The following HECTD4 variants were observed in gnomAD, a reference collection of about 807,000 sequenced individuals.
HECTD4 encodes the protein HECT domain E3 ubiquitin protein ligase 4, also known as probable E3 ubiquitin-protein ligase HECTD4.
A neutral mutation model predicts 471.5 loss-of-function variants in HECTD4; 114 were observed. That is an observed-to-expected ratio of 0.24 (90% CI 0.21 to 0.28). HECTD4 has a LOEUF of 0.28. Ranked by LOEUF, HECTD4 falls within the 10% of genes least tolerant of loss-of-function variation. HECTD4 has a pLI of 1.00. For synonymous variants in HECTD4, 2,012 were observed against 2,256.0 expected (o/e 0.89, Z 3.07); for missense variants, 3,866 against 5,651.5 (o/e 0.68, Z 10.13).
At chr12:112,215,279 G>C (rs1047498879) in intron 48 of HECTD4, among the ~76,000 whole-genome samples, 8 of 152,276 alleles carry the variant, frequency 5.3e-5, no homozygotes, top group Non-Finnish European at 7.4e-5. Context: ...AGCTACAAGA[G>C]GCTACCTATT....
Position 112,184,153 on chromosome 12 carries a change from G to C in HECTD4, c.10779+34C>G. 1.3e-6 allele frequency: 2 copies of C among 1,537,718 alleles called. No homozygotes were observed. Among genetic ancestry groups the C allele is most frequent in the South Asian group, 2.4e-5 (2 of 84,504 alleles). On this transcript the variant is annotated intron_variant, in intron 61 of 75. Transcript: ENST00000682272. This position sits in a 1 kb window ranked among gnomAD's most constrained non-coding sequence, Gnocchi z 9.1. ...GGCTTGGGGGATTGAAATGGGTCAT[G>C]ATTTAGTGGTTGCAGAGGCTTGAAA...
At chr12:112,195,793 C>G (rs746915314) in intron 55 of HECTD4, among the ~76,000 whole-genome samples, 5 of 152,160 alleles carry the variant, frequency 3.3e-5, no homozygotes, top group African/African-American at 1.2e-4. Flanking sequence ...AAAATACCAT[C>G]GTGGGCATTT....
At chr12:112,230,945 T>C in intron 39 of HECTD4, 123 bp from the exon 40 acceptor site, 1 of 860,938 alleles carries the variant, frequency 1.2e-6, no homozygotes, top group Non-Finnish European at 1.7e-6. Flanking sequence ...GTGGATTCCA[T>C]TGACCGAGAA....
chr12:112,235,349 G>A lies in HECTD4; in HGVS notation c.5726-83C>T. On this transcript the variant is annotated intron_variant, in intron 36 of 75. Coordinates refer to ENST00000682272, the MANE Select transcript of HECTD4 (RefSeq NM_001388303.1). This position sits in a 1 kb window ranked among gnomAD's most constrained non-coding sequence, Gnocchi z 5.0. Reference sequence around the variant, plus strand: ...GCTAAAATGAAAAATAATGGTTTGGGATTTGGAATCTTTCTTCCCCCTTCT... The same window carrying A: ...GCTAAAATGAAAAATAATGGTTTGGAATTTGGAATCTTTCTTCCCCCTTCT... 6.6e-7 allele frequency: 1 copy of A among 1,509,010 alleles called. No individual in the cohort carries two copies. The highest frequency in any genetic ancestry group is 9.0e-7 in the Non-Finnish European group (1 of 1,117,168). The allele number at this position is 1,509,010 out of a possible 1,614,324, so 93.5% of individuals were successfully genotyped here. A position where few individuals can be genotyped will look rare whatever the true frequency, so the allele number is the denominator to read the frequency against.
chr12:112,372,750 ATTG>A (rs1408623966), intron 1 of HECTD4, among the ~76,000 whole-genome samples: 1 of 151,324 alleles, frequency 6.6e-6, no homozygotes, highest in Non-Finnish European at 1.5e-5. Context: ...TATTATTATT[ATTG>A]TTATTTTTGT....
Position 112,163,004 on chromosome 12 carries a change from G to T in HECTD4, c.13120+38C>A. 1 of 1,450,656 alleles carries T rather than the reference G, an allele frequency of 6.9e-7. No homozygotes were observed. The highest frequency in any genetic ancestry group is 9.6e-7 in the Non-Finnish European group (1 of 1,045,322). The allele number at this position is 1,450,656 out of a possible 1,614,324, so 89.9% of individuals were successfully genotyped here. A position where few individuals can be genotyped will look rare whatever the true frequency, so the allele number is the denominator to read the frequency against. On this transcript the variant is annotated intron_variant, in intron 75 of 75. Coordinates refer to ENST00000682272, the MANE Select transcript of HECTD4 (RefSeq NM_001388303.1). This position sits in a 1 kb window ranked among gnomAD's most constrained non-coding sequence, Gnocchi z 8.2. ...CAGTTCCAAACAGAGAAAGGCTAGTGTGTCCCTACTTGGGACATGGCCAGG... is the reference window on the plus strand; with the variant it reads ...CAGTTCCAAACAGAGAAAGGCTAGTTTGTCCCTACTTGGGACATGGCCAGG...
At chr12:112,189,034 G>T (rs1356545810) in intron 60 of HECTD4, among the ~76,000 whole-genome samples, 1 of 152,088 alleles carries the variant, frequency 6.6e-6, no homozygotes, top group Non-Finnish European at 1.5e-5. Flanking sequence ...CCACTCCCTG[G>T]GTGTTTTTTA....
At chr12:112,332,748 A>G (rs1166757873) in intron 1 of HECTD4, among the ~76,000 whole-genome samples, 2 of 151,662 alleles carry the variant, frequency 1.3e-5, no homozygotes, top group Non-Finnish European at 2.9e-5. Flanking sequence ...ATATAATTCA[A>G]TGGCCTTTAG....
intron 9 of HECTD4, among the ~76,000 whole-genome samples, chr12:112,278,910 TC>T (rs1399949883): frequency 1.3e-5 from 2 of 152,102 alleles, no homozygotes; most frequent in Non-Finnish European, 2.9e-5. Context: ...AGAAATTCTA[TC>T]ATAGTGAGTA....
At chr12:112,256,541 A>G in intron 20 of HECTD4, 23 bp from the exon 21 acceptor site, 2 of 1,481,804 alleles carry the variant, frequency 1.3e-6, no homozygotes, top group South Asian at 2.9e-5. Flanking sequence ...AGAGAAAGTG[A>G]TTTAGCTTAG....
intron 64 of HECTD4, among the ~76,000 whole-genome samples, chr12:112,177,375 CTA>C (rs1190424306): frequency 2.8e-5 from 4 of 143,466 alleles, no homozygotes; most frequent in Admixed American, 7.0e-5. Flanking sequence ...TGTTATGAGG[CTA>C]TTTTTTTTTT....
intron 1 of HECTD4, among the ~76,000 whole-genome samples, chr12:112,361,549 A>T (rs1291454187): frequency 6.6e-6 from 1 of 152,164 alleles, no homozygotes; most frequent in Non-Finnish European, 1.5e-5. Context: ...CTAAGATTAC[A>T]GGTGTGAGTC....
chr12:112,287,160 C>G (rs2034771048), intron 7 of HECTD4, among the ~76,000 whole-genome samples: 1 of 152,180 alleles, frequency 6.6e-6, no homozygotes, highest in South Asian at 2.1e-4. Context: ...AGGAGCTCCC[C>G]ATCTCCACCC....
At chr12:112,252,320 A>C in intron 23 of HECTD4, 104 bp downstream of exon 23, 2 of 1,140,364 alleles carry the variant, frequency 1.8e-6, no homozygotes, top group East Asian at 5.5e-5. Context: ...AAGATGAAAG[A>C]GTGACTCATA....
intron 1 of HECTD4, among the ~76,000 whole-genome samples, chr12:112,376,684 C>T (rs1167178366): frequency 6.6e-6 from 1 of 152,170 alleles, no homozygotes; most frequent in Non-Finnish European, 1.5e-5. Flanking sequence ...ATGCTGAGGA[C>T]GCTTCCCTCT....
intron 34 of HECTD4, 85 bp from the exon 35 acceptor site, chr12:112,237,183 A>C: frequency 8.2e-7 from 1 of 1,222,054 alleles, no homozygotes; most frequent in Non-Finnish European, 1.1e-6. Context: ...AGCCCTGTCC[A>C]TTTATCTTGC....
intron 1 of HECTD4, chr12:112,323,105 C>T (rs547408354): frequency 1.3e-4 from 25 of 199,956 alleles, no homozygotes; most frequent in South Asian, 2.0e-4. Flanking sequence ...TGGCTGGGCG[C>T]GGTGGCTCAT....
chr12:112,195,765 C>A (rs1409280815), intron 55 of HECTD4, among the ~76,000 whole-genome samples: 1 of 152,184 alleles, frequency 6.6e-6, no homozygotes, highest in Non-Finnish European at 1.5e-5. Context: ...TAAATTATAT[C>A]TCAATACAGC....
chr12:112,258,048 G>T (rs913846057), intron 20 of HECTD4, among the ~76,000 whole-genome samples: 2 of 152,118 alleles, frequency 1.3e-5, no homozygotes, highest in African/African-American at 4.8e-5. Flanking sequence ...AATTAGCTGG[G>T]TGTGGTGGCG....
Sources: allele counts gnomAD v4.1 joint callset (sites outside exome capture counted in the v4.1 genomes callset), GRCh38; gene constraint gnomAD v4.1.1; non-coding constraint Gnocchi (gnomAD v3.1); transcripts MANE v1.5; gene names NCBI Gene and HGNC (gene_info 2026-07-23, HGNC 2026-07-21).